TNFRSF1B: variants seen among roughly 807,000 people sequenced by gnomAD.
TNFRSF1B encodes tumor necrosis factor receptor superfamily member 1B.
A neutral mutation model predicts 44.6 loss-of-function variants in TNFRSF1B; 19 were observed. That is an observed-to-expected ratio of 0.43 (90% CI 0.30 to 0.62). The LOEUF is 0.62. Ranked by LOEUF, TNFRSF1B falls within the 20% of genes least tolerant of loss-of-function variation. The pLI is 0.16. For synonymous variants in TNFRSF1B, 252 were observed against 261.1 expected (o/e 0.97, Z 0.34); for missense variants, 541 against 619.9 (o/e 0.87, Z 1.35).
chr1:12,178,135 G>A lies in TNFRSF1B; in HGVS notation c.79-10661G>A, dbSNP rs908461208. Among the ~76,000 whole-genome samples the A allele has an allele frequency of 6.6e-6, 1 of 152,200 alleles. No individual in the cohort carries two copies. Among genetic ancestry groups the A allele is most frequent in the Non-Finnish European group, 1.5e-5 (1 of 68,030 alleles). ...GCACTCAGTCTGCTGCTCTGAGGAC[G>A]CCGCCCCCTCTCTTTGTAAGTCCAT... On this transcript the variant is annotated intron_variant, in intron 1 of 9. Coordinates refer to ENST00000376259, the MANE Select transcript of TNFRSF1B (RefSeq NM_001066.3). This position sits in a 1 kb window ranked among gnomAD's most constrained non-coding sequence, Gnocchi z 4.3.
chr1:12,167,155 G>A lies in TNFRSF1B; in HGVS notation c.64G>A (p.Ala22Thr). ...ACTGGAGCTCTGGGCTGCGGCGCAC[G>A]CCTTGCCCGCCCAGGTGGGTGACTC... is the stretch of plus-strand genomic sequence containing the variant. ...VGLELWAAAH[A>T]LPAQVAFTPY... Residue 22 changes from alanine to threonine, a missense_variant, in exon 1 of 10, where the codon GCC becomes ACC. Physicochemically the swap from Ala to Thr is moderately conservative, Grantham distance 58. Transcript: ENST00000376259. 7.7e-7 allele frequency: 1 copy of A among 1,294,704 alleles called. No individual in the cohort carries two copies. The highest frequency in any genetic ancestry group is 3.2e-5 in the East Asian group (1 of 31,492). The allele number at this position is 1,294,704 out of a possible 1,614,324, so 80.2% of individuals were successfully genotyped here.
At chr1:12,173,641 G>T (rs530326890) in intron 1 of TNFRSF1B, among the ~76,000 whole-genome samples, 1 of 152,332 alleles carries the variant, frequency 6.6e-6, no homozygotes, top group South Asian at 2.1e-4. Context: ...GGAACCCACA[G>T]GTTCAAGGAA....
chr1:12,192,030 C>G, intron 4 of TNFRSF1B, 107 bp downstream of exon 4: 1 of 1,436,068 alleles, frequency 7.0e-7, no homozygotes, highest in Non-Finnish European at 9.3e-7. Context: ...GCAGGGAGCA[C>G]TGTTAGTGGT....
At chr1:12,188,727 C>A in intron 1 of TNFRSF1B, 69 bp from the exon 2 acceptor site, 1 of 1,438,566 alleles carries the variant, frequency 7.0e-7, no homozygotes, top group Non-Finnish European at 9.7e-7. Flanking sequence ...AGGGCGGGGA[C>A]CTGGGCATCA....
In TNFRSF1B at chr1:12,169,914, C is replaced by T. The variant is rs182922995; in HGVS notation, c.78+2745C>T. Among the ~76,000 whole-genome samples, 517 of 152,278 alleles carry T rather than the reference C, an allele frequency of 3.4e-3. 4 individuals are homozygous for T. The highest frequency in any genetic ancestry group is 0.01 in the Middle Eastern group (3 of 294). On this transcript the variant is annotated intron_variant, in intron 1 of 9. Transcript: ENST00000376259. The surrounding 1 kb of genome is among the most constrained non-coding windows in gnomAD (Gnocchi z 4.5). Reference sequence around the variant, plus strand: ...TTGGTGCTGAGGTGCCACTATTTGCCTCCTCATCACCCAGGGCCTGGGGCC... The same window carrying T: ...TTGGTGCTGAGGTGCCACTATTTGCTTCCTCATCACCCAGGGCCTGGGGCC...
rs1489718994 is a variant in TNFRSF1B, at chr1:12,178,410, G to T, written c.79-10386G>T. 6.6e-6 allele frequency among the ~76,000 whole-genome samples: 1 copy of T among 152,146 alleles called. No homozygotes were observed. The highest frequency in any genetic ancestry group is 1.5e-5 in the Non-Finnish European group (1 of 68,030). On this transcript the variant is annotated intron_variant, in intron 1 of 9. Coordinates refer to ENST00000376259, the MANE Select transcript of TNFRSF1B (RefSeq NM_001066.3). This position sits in a 1 kb window ranked among gnomAD's most constrained non-coding sequence, Gnocchi z 4.3. The stretch of plus-strand genomic sequence containing the variant: ...CTGTGAAGGGGGCACTGTTTCTGTC[G>T]CCATTTTATAGATGATAAAGTGGAG...
intron 1 of TNFRSF1B, among the ~76,000 whole-genome samples, chr1:12,181,807 C>T (rs563462831): frequency 6.6e-6 from 1 of 152,236 alleles, no homozygotes; most frequent in Non-Finnish European, 1.5e-5. Context: ...CTCTGCCCCA[C>T]ATCCCAGCCC....
rs183755458 is a variant in TNFRSF1B, at chr1:12,188,806, C to T, written c.89C>T (p.Thr30Ile). The T allele has an allele frequency of 1.3e-5, 21 of 1,613,618 alleles. No individual in the cohort carries two copies. Among genetic ancestry groups the T allele is most frequent in the South Asian group, 1.2e-4 (11 of 90,998 alleles). Residue 30 changes from threonine to isoleucine, a missense_variant, in exon 2 of 10, where the codon ACA becomes ATA. By Grantham distance (89) the Thr-to-Ile change is moderately conservative. Transcript: ENST00000376259. ...CCTTCTTCCTTCCAGGTGGCATTTA[C>T]ACCCTACGCCCCGGAGCCCGGGAGC... is the stretch of plus-strand genomic sequence containing the variant. Reference protein sequence around the residue: ...AHALPAQVAFTPYAPEPGSTC... With the variant: ...AHALPAQVAFIPYAPEPGSTC...
intron 2 of TNFRSF1B, among the ~76,000 whole-genome samples, chr1:12,190,342 C>A (rs1285975088): frequency 6.6e-6 from 1 of 151,790 alleles, no homozygotes; most frequent in Non-Finnish European, 1.5e-5. Context: ...ACCTGTAATC[C>A]CAGCTACTTG....
chr1:12,169,284 A>G lies in TNFRSF1B; in HGVS notation c.78+2115A>G, dbSNP rs1208921182. ...CTGTGGGTTCCTCTTCCTTCTCATC[A>G]GTAGCATCGCCATAGCTCCTGATTT... On this transcript the variant is annotated intron_variant, in intron 1 of 9. Coordinates refer to ENST00000376259, the MANE Select transcript of TNFRSF1B (RefSeq NM_001066.3). The surrounding 1 kb of genome is among the most constrained non-coding windows in gnomAD (Gnocchi z 4.5). 6.6e-6 allele frequency among the ~76,000 whole-genome samples: 1 copy of G among 152,170 alleles called. No individual in the cohort carries two copies. The highest frequency in any genetic ancestry group is 1.5e-5 in the Non-Finnish European group (1 of 68,038).
At chr1:12,181,712 G>C (rs905765764) in intron 1 of TNFRSF1B, among the ~76,000 whole-genome samples, 4 of 152,196 alleles carry the variant, frequency 2.6e-5, no homozygotes, top group African/African-American at 7.2e-5. Flanking sequence ...CCTCCCTGGG[G>C]GGAAGGGGAT....
At chr1:12,195,010 G>A (rs1639235963) in intron 8 of TNFRSF1B, among the ~76,000 whole-genome samples, 1 of 152,212 alleles carries the variant, frequency 6.6e-6, no homozygotes. Context: ...TGCCTCCATT[G>A]TGTTTACAGA....
rs1278821745 is a variant in TNFRSF1B, at chr1:12,206,953, T to C, written c.1319T>C (p.Leu440Pro). The stretch of plus-strand genomic sequence containing the variant: ...TCACAGCTGGAGACGCCAGAGACCC[T>C]GCTGGGGAGCACCGAAGAGAAGCCC... Reference protein sequence around the residue: ...FRSQLETPETLLGSTEEKPLP... With the variant: ...FRSQLETPETPLGSTEEKPLP... Residue 440 changes from leucine to proline, a missense_variant, in exon 10 of 10, where the codon CTG becomes CCG. Coordinates refer to ENST00000376259, the MANE Select transcript of TNFRSF1B (RefSeq NM_001066.3). 1 of 1,613,072 alleles carries C rather than the reference T, an allele frequency of 6.2e-7. No individual in the cohort carries two copies. Among genetic ancestry groups the C allele is most frequent in the Admixed American group, 1.7e-5 (1 of 59,994 alleles).
At chr1:12,183,699 T>TCTATCTAGCTATCTAG (rs1553163435) in intron 1 of TNFRSF1B, among the ~76,000 whole-genome samples, 5 of 102,332 alleles carry the variant, frequency 4.9e-5, no homozygotes, top group African/African-American at 1.6e-4. Flanking sequence ...TATCTATCTA[T>TCTATCTAGCTATCTAG]CTATCTATCT....
chr1:12,196,817 C>G (rs1406706650), intron 8 of TNFRSF1B, among the ~76,000 whole-genome samples: 1 of 152,246 alleles, frequency 6.6e-6, no homozygotes, highest in Non-Finnish European at 1.5e-5. Flanking sequence ...GAGCAGGTGT[C>G]TCCCCCAAGC....
intron 3 of TNFRSF1B, among the ~76,000 whole-genome samples, chr1:12,191,465 A>AGGGAGGAGCGGGACTGCG: frequency 7.0e-6 from 1 of 142,274 alleles, no homozygotes; most frequent in Non-Finnish European, 1.5e-5. Context: ...GCAGGACTGC[A>AGGGAGGAGCGGGACTGCG]GGGAGGAGCG....
chr1:12,198,197 G>A (rs1006771609), intron 8 of TNFRSF1B, among the ~76,000 whole-genome samples: 1 of 151,694 alleles, frequency 6.6e-6, no homozygotes, highest in African/African-American at 2.4e-5. Flanking sequence ...ACTCATGCAC[G>A]GACCCACGTC....
At chr1:12,202,840 G>A (rs187226764) in intron 9 of TNFRSF1B, among the ~76,000 whole-genome samples, 1 of 152,362 alleles carries the variant, frequency 6.6e-6, no homozygotes, top group East Asian at 1.9e-4. Context: ...AGAAGAGCCA[G>A]ACTCACCCCT....
intron 1 of TNFRSF1B, among the ~76,000 whole-genome samples, chr1:12,173,954 G>T (rs556213029): frequency 6.6e-6 from 1 of 152,120 alleles, no homozygotes; most frequent in Non-Finnish European, 1.5e-5. Context: ...CTGATGGGGG[G>T]TTGGAAGAGA....
Sources: gnomAD v4.1 joint callset for allele counts (sites outside exome capture counted in the v4.1 genomes callset) on GRCh38, gnomAD v4.1.1 for gene constraint, Gnocchi (gnomAD v3.1) non-coding constraint, MANE v1.5 for transcripts, NCBI Gene and HGNC (gene_info 2026-07-23, HGNC 2026-07-21) for gene names.